Variants in VWF observed in about 807,000 individuals in gnomAD.
VWF encodes Factor VIII related antigen.
In VWF, 176 loss-of-function variants were observed where a neutral mutation model predicts 308.6. That is an observed-to-expected ratio of 0.57 (90% confidence interval 0.50 to 0.65). The LOEUF is 0.65. Ranked by LOEUF, VWF falls within the 30% of genes least tolerant of loss-of-function variation. The pLI is 0.00. For synonymous variants in VWF, 1,385 were observed against 1,443.4 expected, an observed-to-expected ratio of 0.96 and a Z score of 0.92; for missense variants, 3,146 against 3,648.2, an observed-to-expected ratio of 0.86 and a Z score of 3.55.
At position 6,046,271 on chromosome 12, in the gene VWF, G is replaced by A. The variant is rs538336011; in HGVS notation, c.2281+452C>T. On this transcript the variant is annotated intron_variant, in intron 17 of 51. Transcript: ENST00000261405. This position sits in a 1 kb window ranked among gnomAD's most constrained non-coding sequence, Gnocchi z 5.0. ...TTAGGACCTTCGAATGGAGAGCAACGGACCCAACCCTTCTCTTTCTCTCTT... is the reference window on the plus strand; with the variant it reads ...TTAGGACCTTCGAATGGAGAGCAACAGACCCAACCCTTCTCTTTCTCTCTT... 6.6e-6 allele frequency among the ~76,000 whole-genome samples: 1 copy of A among 152,078 alleles called. No homozygotes were observed. The highest frequency in any genetic ancestry group is 6.5e-5 in the Admixed American group (1 of 15,276).
intron 28 of VWF, 34 bp from the exon 29 acceptor site, chr12:6,016,904 TGCCAGCAGGGACAATG>T (rs1944067848): frequency 6.2e-7 from 1 of 1,607,572 alleles, no homozygotes; most frequent in Non-Finnish European, 8.5e-7. Context: ...AGCACACAGG[TGCCAGCAGGGACAATG>T]GCCACCAGGC....
chr12:5,982,132 G>T, intron 41 of VWF, 141 bp from the exon 42 acceptor site: 1 of 717,970 alleles, frequency 1.4e-6, no homozygotes, highest in Non-Finnish European at 2.3e-6. Flanking sequence ...CGGGCTGGGA[G>T]TTATTCAATG....
Position 6,019,771 on chromosome 12 carries a change from T to C in VWF, c.3675-28A>G. On this transcript the variant is annotated intron_variant, in intron 27 of 51. Transcript: ENST00000261405. The surrounding 1 kb of genome is among the most constrained non-coding windows in gnomAD (Gnocchi z 5.8). Reference sequence around the variant, plus strand: ...GCAGAAAAGAGCGAAGAAATTAAAATGGTTCAGGAAGAACCTGTGGACACT... The same window carrying C: ...GCAGAAAAGAGCGAAGAAATTAAAACGGTTCAGGAAGAACCTGTGGACACT... The C allele has an allele frequency of 6.3e-7, 1 of 1,591,902 alleles. No homozygotes were observed. Among genetic ancestry groups the C allele is most frequent in the Non-Finnish European group, 8.5e-7 (1 of 1,170,352 alleles).
chr12:6,087,351 ACT>A (rs1944983458), intron 6 of VWF, among the ~76,000 whole-genome samples: 2 of 139,994 alleles, frequency 1.4e-5, no homozygotes, highest in African/African-American at 2.7e-5. Context: ...CAAAGACTTA[ACT>A]CTTTTTTTTT....
At chr12:6,066,523 CACATAG>C (rs1419589426) in intron 10 of VWF, among the ~76,000 whole-genome samples, 1 of 152,254 alleles carries the variant, frequency 6.6e-6, no homozygotes, top group East Asian at 1.9e-4. Context: ...AAGATGAGGA[CACATAG>C]AGTGCACAGG....
intron 3 of VWF, among the ~76,000 whole-genome samples, chr12:6,113,569 C>G (rs1338753217): frequency 6.6e-6 from 1 of 152,240 alleles, no homozygotes; most frequent in Non-Finnish European, 1.5e-5. Flanking sequence ...GCTAGGATTA[C>G]AGGCGTGAGC....
intron 16 of VWF, among the ~76,000 whole-genome samples, chr12:6,048,356 C>T (rs745801813): frequency 5.3e-5 from 8 of 151,778 alleles, no homozygotes; most frequent in Non-Finnish European, 1.0e-4. Flanking sequence ...TTAGTAGAGA[C>T]GGGGTTTCCC....
chr12:6,071,795 C>A (rs182490720), intron 9 of VWF, among the ~76,000 whole-genome samples: 10 of 152,264 alleles, frequency 6.6e-5, no homozygotes, highest in African/African-American at 2.4e-4. Flanking sequence ...GCCTGGGGAC[C>A]AAACGAGTTG....
intron 47 of VWF, among the ~76,000 whole-genome samples, chr12:5,963,038 G>A (rs543545002): frequency 6.6e-6 from 1 of 152,188 alleles, no homozygotes; most frequent in East Asian, 1.9e-4. Flanking sequence ...AGAAAACATA[G>A]GATACTATCT....
At chr12:5,984,555 T>C (rs1007046444) in intron 40 of VWF, among the ~76,000 whole-genome samples, 2 of 152,240 alleles carry the variant, frequency 1.3e-5, no homozygotes, top group African/African-American at 2.4e-5. Flanking sequence ...CACTAATGAT[T>C]TCCTGCCATG....
intron 6 of VWF, among the ~76,000 whole-genome samples, chr12:6,079,541 C>CGG (rs1565855757): frequency 4.0e-5 from 6 of 151,060 alleles, no homozygotes; most frequent in Middle Eastern, 3.4e-3. Flanking sequence ...AGCCGGGAGG[C>CGG]AACGCTTGCA....
chr12:6,087,373 T>C (rs1280929515), intron 6 of VWF, among the ~76,000 whole-genome samples: 1 of 149,232 alleles, frequency 6.7e-6, no homozygotes, highest in Non-Finnish European at 1.5e-5. Flanking sequence ...TTTTTTTTTT[T>C]TTTGAGACAG....
chr12:6,060,936 C>G lies in VWF; in HGVS notation c.1533+2018G>C, dbSNP rs1195861183. ...GACTGGCTGGCCGGGCGTGGTGGCTCATGCCCGTAATCCCAGCACTTTGGG... is the reference window on the plus strand; with the variant it reads ...GACTGGCTGGCCGGGCGTGGTGGCTGATGCCCGTAATCCCAGCACTTTGGG... On this transcript the variant is annotated intron_variant, in intron 13 of 51. Transcript: ENST00000261405. The surrounding 1 kb of genome is among the most constrained non-coding windows in gnomAD (Gnocchi z 5.1). Among the ~76,000 whole-genome samples, 1 of 152,192 alleles carries G rather than the reference C, an allele frequency of 6.6e-6. No individual in the cohort carries two copies. The highest frequency in any genetic ancestry group is 2.4e-5 in the African/African-American group (1 of 41,454).
rs1182716198 is a variant in VWF at position 6,019,736 on chromosome 12, C to T, written c.3682G>A (p.Asp1228Asn). The change falls in exon 28 of 52, where the codon GAT becomes AAT. Residue 1228 changes from aspartate (D) to asparagine (N), a missense_variant. Asp to Asn is a conservative substitution (Grantham distance 23, BLOSUM62 1). This residue lies in a region of VWF where 853 missense variants were observed against 1,177.8 expected (regional missense o/e 0.72). Transcript: ENST00000261405. The surrounding 1 kb of genome is among the most constrained non-coding windows in gnomAD (Gnocchi z 5.8). ...GCTTCACAGGTGAGGTTGACAACAT[C>T]ACAGTGGCTGCAGAAAAGAGCGAAG... ...DPEHCQICHC[D>N]VVNLTCEACQ... 1 of 1,612,470 alleles carries T rather than the reference C, an allele frequency of 6.2e-7. No homozygotes were observed. The highest frequency in any genetic ancestry group is 8.5e-7 in the Non-Finnish European group (1 of 1,179,324).
At position 6,046,253 on chromosome 12, in the gene VWF, C is replaced by G. The variant is rs1944445318; in HGVS notation, c.2281+470G>C. ...AAGACAGTGCAGCCACCGTTAGGAC[C>G]TTCGAATGGAGAGCAACGGACCCAA... On this transcript the variant is annotated intron_variant, in intron 17 of 51. Coordinates refer to ENST00000261405, the MANE Select transcript of VWF (RefSeq NM_000552.5). This position sits in a 1 kb window ranked among gnomAD's most constrained non-coding sequence, Gnocchi z 5.0. 2.0e-5 allele frequency among the ~76,000 whole-genome samples: 3 copies of G among 152,074 alleles called. No individual in the cohort carries two copies. In the South Asian group the frequency reaches 6.2e-4, roughly 32 times the overall value.
At position 6,044,301 on chromosome 12, in the gene VWF, G is replaced by A. The variant is rs1478975030; in HGVS notation, c.2432C>T (p.Pro811Leu). 2 of 1,613,966 alleles carry A rather than the reference G, an allele frequency of 1.2e-6. No individual in the cohort carries two copies. Among genetic ancestry groups the A allele is most frequent in the African/African-American group, 1.3e-5 (1 of 74,932 alleles). ...TGCCTGGTGACTCACCATGCCCGGG[G>A]GGCAGAGGCAGCCAGAGACACAGCC... Reference protein sequence around the residue: ...SMGCVSGCLCPPGMVRHENRC... With the variant: ...SMGCVSGCLCLPGMVRHENRC... The change falls in exon 18 of 52, where the codon CCC (proline) becomes CTC (leucine). Residue 811 changes from proline (P) to leucine (L), a missense_variant. By Grantham distance (98) the Pro-to-Leu change is moderately conservative. Transcript: ENST00000261405.
In VWF at chr12:6,057,994, A is replaced by G. The variant is rs1944609212; in HGVS notation, c.1584T>C (p.Asn528=). ...TAAGGAAGTCGTCGCCCTGGTTGCC[A>G]TTGTAATTCCCACACAGGCCGCAGG... The part of the protein sequence containing the change: ...GKTCGLCGNY[N]GNQGDDFLTP... The change falls in exon 14 of 52, where the codon AAT becomes AAC. Residue 528 remains asparagine, a synonymous_variant. Coordinates refer to ENST00000261405, the MANE Select transcript of VWF (RefSeq NM_000552.5). The G allele has an allele frequency of 6.2e-7, 1 of 1,613,386 alleles. No individual in the cohort carries two copies. The highest frequency in any genetic ancestry group is 8.5e-7 in the Non-Finnish European group (1 of 1,180,034).
At chr12:6,088,387 G>A (rs560121636) in intron 6 of VWF, among the ~76,000 whole-genome samples, 1 of 152,052 alleles carries the variant, frequency 6.6e-6, no homozygotes, top group Non-Finnish European at 1.5e-5. Context: ...GCTGAGGCGG[G>A]AGAATGGCGT....
At chr12:6,000,535 C>T (rs948028714) in intron 34 of VWF, among the ~76,000 whole-genome samples, 49 of 151,990 alleles carry the variant, frequency 3.2e-4, no homozygotes, top group African/African-American at 1.2e-3. Context: ...GACCCAGGCG[C>T]GGTGGCTCAC....
Sources: gnomAD v4.1 joint callset for allele counts (sites outside exome capture counted in the v4.1 genomes callset) on GRCh38, gnomAD v4.1.1 for gene constraint, gnomAD v4.1.1 regional missense constraint, Gnocchi (gnomAD v3.1) non-coding constraint, MANE v1.5 for transcripts, NCBI Gene and HGNC (gene_info 2026-07-23, HGNC 2026-07-21) for gene names.